The following RIC1 variants were observed in gnomAD, a reference collection of about 807,000 sequenced individuals.
RIC1 encodes guanine nucleotide exchange factor subunit RIC1.
A neutral mutation model predicts 169.0 loss-of-function variants in RIC1; 88 were observed. The observed-to-expected ratio is 0.52, with a 90% CI of 0.44 to 0.62. The LOEUF (loss-of-function observed/expected upper bound fraction) is 0.62, where lower values mean the gene tolerates loss of function less well. RIC1 is among the 20% of genes least tolerant of loss of function. The pLI, the probability that RIC1 is intolerant of heterozygous loss-of-function variation, is 0.00. For synonymous variants in RIC1, 790 were observed against 601.5 expected, an observed-to-expected ratio of 1.31 and a Z score of -4.59; for missense variants, 1,877 against 1,725.5, an observed-to-expected ratio of 1.09 and a Z score of -1.56.
At chr9:5,777,461 T>A (rs1224614818), downstream of RIC1, among the ~76,000 whole-genome samples, 1 of 151,492 alleles carries the variant, frequency 6.6e-6, no homozygotes, top group Non-Finnish European at 1.5e-5. Flanking sequence ...TTAGACTGAG[T>A]GTTGTCAGCA....
chr9:5,761,461 G>T lies in RIC1; in HGVS notation c.1993-1080G>T, dbSNP rs78563252. On this transcript the variant is annotated intron_variant, in intron 17 of 25. Coordinates refer to ENST00000414202, the MANE Select transcript of RIC1 (RefSeq NM_020829.4). ...TTCTGATGCTGGTACAGTCGTCTCT[G>T]ATTTAGTGATTGCTCACATTTTTAC... 7.8e-3 allele frequency among the ~76,000 whole-genome samples: 1,192 copies of T among 152,088 alleles called. 23 individuals are homozygous for T. The highest frequency in any genetic ancestry group is 0.028 in the African/African-American group (1,149 of 41,480).
chr9:5,641,033 C>G (rs937929620), intron 1 of RIC1, among the ~76,000 whole-genome samples: 1 of 149,766 alleles, frequency 6.7e-6, no homozygotes, highest in Non-Finnish European at 1.5e-5. Flanking sequence ...TAGGATCTTT[C>G]TTTATCCTTG....
chr9:5,661,547 C>A (rs1461388139), intron 2 of RIC1, among the ~76,000 whole-genome samples: 4 of 152,150 alleles, frequency 2.6e-5, no homozygotes, highest in Non-Finnish European at 5.9e-5. Context: ...AGAGGTTCTT[C>A]ACCTCCCTTG....
chr9:5,742,328 A>T (rs1053302417), intron 8 of RIC1, among the ~76,000 whole-genome samples: 3 of 152,176 alleles, frequency 2.0e-5, no homozygotes, highest in African/African-American at 7.2e-5. Flanking sequence ...TTCAGGGAAC[A>T]AGCACTTTGT....
chr9:5,673,541 T>TAG (rs955290602), intron 2 of RIC1, among the ~76,000 whole-genome samples: 1 of 143,276 alleles, frequency 7.0e-6, no homozygotes, highest in Non-Finnish European at 1.5e-5. Flanking sequence ...AGGAGATATA[T>TAG]ATATATATAT....
chr9:5,769,404 A>G (rs777464014), intron 22 of RIC1, 148 bp downstream of exon 22: 7 of 1,572,384 alleles, frequency 4.5e-6, no homozygotes, highest in Non-Finnish European at 6.0e-6. Context: ...ATGAGTTGGA[A>G]TGCCCACTGT....
At chr9:5,675,028 A>G (rs780538700) in intron 2 of RIC1, among the ~76,000 whole-genome samples, 2 of 152,202 alleles carry the variant, frequency 1.3e-5, no homozygotes, top group African/African-American at 4.8e-5. Flanking sequence ...GTGTACTTCT[A>G]TAGAGGGGTG....
chr9:5,751,174 G>A (rs1825701407), intron 12 of RIC1, among the ~76,000 whole-genome samples: 1 of 151,698 alleles, frequency 6.6e-6, no homozygotes, highest in Non-Finnish European at 1.5e-5. Context: ...AAGGTTTGAG[G>A]GAGGTAAGGA....
rs1379037701 is a variant in RIC1, at chr9:5,763,859, T to C, written c.2832T>C (p.Ile944=). Residue 944 remains isoleucine, a synonymous_variant, in exon 19 of 26, where the codon ATT becomes ATC. Transcript: ENST00000414202. This position sits in a 1 kb window ranked among gnomAD's most constrained non-coding sequence, Gnocchi z 5.2. Reference sequence around the variant, plus strand: ...TGGACACAGCTGCCTCTTACCTTATTATCTTACAGGTAACAATTCTCTTCT... The same window carrying C: ...TGGACACAGCTGCCTCTTACCTTATCATCTTACAGGTAACAATTCTCTTCT... ...QDLDTAASYL[I]ILQNMEVPAV... is the part of the protein sequence containing the mutation. 1 of 1,609,686 alleles carries C rather than the reference T, an allele frequency of 6.2e-7. No homozygotes were observed. The highest frequency in any genetic ancestry group is 2.2e-5 in the East Asian group (1 of 44,806).
intron 6 of RIC1, among the ~76,000 whole-genome samples, chr9:5,725,873 T>C (rs1293920530): frequency 6.6e-6 from 1 of 152,164 alleles, no homozygotes; most frequent in African/African-American, 2.4e-5. Flanking sequence ...TGGTTTTGAG[T>C]GAGTTTCTTA....
chr9:5,735,351 G>T (rs1356665023), intron 7 of RIC1, among the ~76,000 whole-genome samples: 2 of 152,236 alleles, frequency 1.3e-5, no homozygotes, highest in Non-Finnish European at 2.9e-5. Context: ...GACAGAAGCA[G>T]TGGCAAGTGT....
Position 5,774,778 on chromosome 9 carries a change from C to T in RIC1, c.*532C>T, listed in dbSNP as rs1261815494. The stretch of plus-strand genomic sequence containing the variant: ...TGTGCCAGTGTGATGGAAACATTCT[C>T]CTTGGCTTTACTAGCCAGTCAAATC... On this transcript the variant is annotated 3_prime_UTR_variant, in exon 26 of 26. Coordinates refer to ENST00000414202, the MANE Select transcript of RIC1 (RefSeq NM_020829.4). 1 of 152,280 alleles carries T rather than the reference C, an allele frequency of 6.6e-6. No individual in the cohort carries two copies. Among genetic ancestry groups the T allele is most frequent in the Non-Finnish European group, 1.5e-5 (1 of 68,108 alleles). 9.4% of individuals were successfully genotyped at this position (152,280 alleles called of 1,614,324 possible).
intron 7 of RIC1, among the ~76,000 whole-genome samples, chr9:5,734,138 G>C (rs1053756681): frequency 6.8e-6 from 1 of 147,674 alleles, no homozygotes; most frequent in Non-Finnish European, 1.5e-5. Context: ...AGACAGTCTC[G>C]CTCTGTCGCC....
chr9:5,690,551 G>A (rs1420798382), intron 3 of RIC1, among the ~76,000 whole-genome samples: 1 of 144,166 alleles, frequency 6.9e-6, no homozygotes, highest in Non-Finnish European at 1.5e-5. Context: ...ACATACAATT[G>A]TAAAGCATTC....
intron 2 of RIC1, among the ~76,000 whole-genome samples, chr9:5,675,850 G>A (rs1820410096): frequency 6.6e-6 from 1 of 152,152 alleles, no homozygotes; most frequent in Non-Finnish European, 1.5e-5. Context: ...TAAAAATTAT[G>A]CTATTCATAA....
At position 5,769,194 on chromosome 9, in the gene RIC1, C is replaced by T; in HGVS notation, c.3362C>T (p.Pro1121Leu). ...LKRLHKDFLWPLPIIPASSIS... is the reference protein window; with the variant it reads ...LKRLHKDFLWLLPIIPASSIS... The stretch of plus-strand genomic sequence containing the variant: ...AGACTCCACAAAGATTTCCTGTGGC[C>T]ACTTCCAATCATCCCAGCCTCTTCT... Residue 1121 changes from proline (P) to leucine (L), a missense_variant, in exon 22 of 26, where the codon CCA (proline) becomes CTA (leucine). This residue lies in a region of RIC1 where 681 missense variants were observed against 582.0 expected (regional missense o/e 1.17). Coordinates refer to ENST00000414202, the MANE Select transcript of RIC1 (RefSeq NM_020829.4). The T allele has an allele frequency of 1.2e-6, 2 of 1,614,090 alleles. No homozygotes were observed. Among genetic ancestry groups the T allele is most frequent in the Non-Finnish European group, 1.7e-6 (2 of 1,179,964 alleles).
chr9:5,765,262 T>C (rs768367017), intron 19 of RIC1, 152 bp from the exon 20 acceptor site: 9 of 755,650 alleles, frequency 1.2e-5, no homozygotes, highest in Non-Finnish European at 1.7e-5. Context: ...GCCTCGCTTT[T>C]CCTTGTATGG....
chr9:5,644,879 A>G (rs1345445250), intron 1 of RIC1, among the ~76,000 whole-genome samples: 1 of 152,134 alleles, frequency 6.6e-6, no homozygotes, highest in Non-Finnish European at 1.5e-5. Context: ...CCCCACCAAT[A>G]ATGTATGGAA....
chr9:5,773,076 G>A lies in RIC1; in HGVS notation c.3979G>A (p.Asp1327Asn). Residue 1327 changes from aspartate (D) to asparagine (N), a missense_variant, in exon 25 of 26, where the codon GAC (aspartate) becomes AAC (asparagine). Coordinates refer to ENST00000414202, the MANE Select transcript of RIC1 (RefSeq NM_020829.4). ...LHAVDRWAST[D>N]CPGYKPFLNI... ...TGCAGTGGACCGATGGGCCTCTACA[G>A]ACTGGTAAGTGCTGCTTTCCTTAGG... The A allele has an allele frequency of 6.3e-7, 1 of 1,599,126 alleles. No individual in the cohort carries two copies. Among genetic ancestry groups the A allele is most frequent in the Non-Finnish European group, 8.5e-7 (1 of 1,172,842 alleles).
Sources: allele counts gnomAD v4.1 joint callset (sites outside exome capture counted in the v4.1 genomes callset), GRCh38; gene constraint gnomAD v4.1.1; regional missense constraint gnomAD v4.1.1; non-coding constraint Gnocchi (gnomAD v3.1); transcripts MANE v1.5; gene names NCBI Gene and HGNC (gene_info 2026-07-23, HGNC 2026-07-21).